The following DIS3L2 variants were observed in gnomAD, a reference collection of about 807,000 sequenced individuals.
The protein encoded by DIS3L2 is DIS3-like exonuclease 2.
A neutral mutation model predicts 97.5 loss-of-function variants in DIS3L2; 34 were observed. That is an observed-to-expected ratio of 0.35 (90% confidence interval 0.27 to 0.46). The LOEUF is 0.46. Among genes scored for constraint, DIS3L2 ranks in the 20% least tolerant of loss-of-function variants. The pLI, the probability that DIS3L2 is intolerant of heterozygous loss-of-function variation, is 1.00. For synonymous variants in DIS3L2, 435 were observed against 445.2 expected, an observed-to-expected ratio of 0.98 and a Z score of 0.29; for missense variants, 1,038 against 1,146.0, an observed-to-expected ratio of 0.91 and a Z score of 1.36.
At chr2:232,087,801 A>G in intron 6 of DIS3L2, 80 bp downstream of exon 6, 1 of 1,132,350 alleles carries the variant, frequency 8.8e-7, no homozygotes, top group South Asian at 1.5e-5. Flanking sequence ...TGCAGAGTAA[A>G]TAACACAATG....
At chr2:231,978,772 T>G (rs992268254) in intron 1 of DIS3L2, 5 of 152,234 alleles carry the variant, frequency 3.3e-5, no homozygotes, top group African/African-American at 4.8e-5. Flanking sequence ...GCCCAGTGCT[T>G]CTTTACCTTG....
rs1696245064 is a variant in DIS3L2, at chr2:232,077,941, CTTTTT to C, written c.367-9545_367-9541del. ...TATAGAGTATTTTCTTTCTTTCTTT[CTTTTT>C]CTTTCTTTCTCTTTCTTTCTTTCTT... is the stretch of plus-strand genomic sequence containing the variant. On this transcript the variant is annotated intron_variant, in intron 5 of 20. Coordinates refer to ENST00000325385, the MANE Select transcript of DIS3L2 (RefSeq NM_152383.5). Among the ~76,000 whole-genome samples, 3 of 148,578 alleles carry C rather than the reference CTTTTT, an allele frequency of 2.0e-5. No individual in the cohort carries two copies. In the South Asian group the frequency reaches 6.6e-4, roughly 33 times the overall value.
At chr2:232,070,205 G>T (rs1695973163) in intron 5 of DIS3L2, among the ~76,000 whole-genome samples, 1 of 152,214 alleles carries the variant, frequency 6.6e-6, no homozygotes, top group South Asian at 2.1e-4. Flanking sequence ...GGCGGAGGTT[G>T]CAGTGAGCCA....
chr2:232,065,455 T>C (rs1042428665), intron 5 of DIS3L2, among the ~76,000 whole-genome samples: 4 of 152,200 alleles, frequency 2.6e-5, no homozygotes, highest in African/African-American at 9.6e-5. Context: ...TTTTAGCACA[T>C]TTGTTTAAAA....
chr2:231,963,710 T>G (rs1692630261), intron 1 of DIS3L2, among the ~76,000 whole-genome samples: 1 of 152,112 alleles, frequency 6.6e-6, no homozygotes, highest in Non-Finnish European at 1.5e-5. Flanking sequence ...TCTAGGATTT[T>G]TATAGCTTGA....
At chr2:232,135,306 ACATG>A (rs2106354153) in intron 7 of DIS3L2, among the ~76,000 whole-genome samples, 1 of 152,260 alleles carries the variant, frequency 6.6e-6, no homozygotes, top group South Asian at 2.1e-4. Flanking sequence ...GGGTGCACAT[ACATG>A]CATGAGGCTG....
At chr2:232,277,753 A>C (rs150566442) in intron 13 of DIS3L2, among the ~76,000 whole-genome samples, 5 of 152,314 alleles carry the variant, frequency 3.3e-5, no homozygotes, top group African/African-American at 1.2e-4. Flanking sequence ...GTCAGTGTGC[A>C]ACATCATAGG....
chr2:231,991,892 A>G (rs1438516876), intron 1 of DIS3L2, among the ~76,000 whole-genome samples: 3 of 152,200 alleles, frequency 2.0e-5, no homozygotes, highest in Non-Finnish European at 1.5e-5. Flanking sequence ...TAGCCCTTCC[A>G]GGAACTGGGG....
chr2:232,078,902 A>G (rs779333038), intron 5 of DIS3L2, among the ~76,000 whole-genome samples: 1 of 152,222 alleles, frequency 6.6e-6, no homozygotes, highest in Admixed American at 6.5e-5. Flanking sequence ...TGGGAAGATT[A>G]TGTGGTGGAT....
At chr2:232,277,458 C>G (rs1244853526) in intron 13 of DIS3L2, among the ~76,000 whole-genome samples, 1 of 152,074 alleles carries the variant, frequency 6.6e-6, no homozygotes, top group African/African-American at 2.4e-5. Flanking sequence ...GGAGTACATT[C>G]TTAAAATTAC....
rs546450638 is a variant in DIS3L2, at chr2:232,278,878, T to A, written c.1659+15438T>A. ...GTGTATATTTAACTTCATAAAGAAC[T>A]TCCAGTTTTCCAAAGTGACTATACC... On this transcript the variant is annotated intron_variant, in intron 13 of 20. Coordinates refer to ENST00000325385, the MANE Select transcript of DIS3L2 (RefSeq NM_152383.5). Among the ~76,000 whole-genome samples the A allele has an allele frequency of 6.6e-5, 10 of 152,318 alleles. No individual in the cohort carries two copies. In the East Asian group the frequency reaches 1.7e-3, roughly 26 times the overall value.
intron 4 of DIS3L2, among the ~76,000 whole-genome samples, chr2:232,026,597 G>T (rs1409642753): frequency 1.3e-5 from 2 of 151,998 alleles, no homozygotes; most frequent in Admixed American, 1.3e-4. Flanking sequence ...GGTAGGCTTT[G>T]GGCTGCTTAT....
In DIS3L2 at chr2:232,024,329, C is replaced by T. The variant is rs202059499; in HGVS notation, c.263C>T (p.Pro88Leu). 1,266 of 1,597,398 alleles carry T rather than the reference C, an allele frequency of 7.9e-4. 2 individuals are homozygous for T. The highest frequency in any genetic ancestry group is 3.1e-3 in the South Asian group (266 of 87,142). ...KKFHEAFIPS[P>L]DGDRDIFIDG... ...TTTCATGAAGCCTTCATTCCTTCCC[C>T]GGTAAGTTCAATAAATTTATAATAA... Residue 88 changes from proline (P) to leucine (L), a missense_variant and splice_region_variant, in exon 4 of 21, where the codon CCG becomes CTG. By Grantham distance (98) the Pro-to-Leu change is moderately conservative. This residue lies in a region of DIS3L2 where 813 missense variants were observed against 880.1 expected (regional missense o/e 0.92). Coordinates refer to ENST00000325385, the MANE Select transcript of DIS3L2 (RefSeq NM_152383.5).
chr2:232,072,733 G>T lies in DIS3L2; in HGVS notation c.367-14754G>T, dbSNP rs530875946. On this transcript the variant is annotated intron_variant, in intron 5 of 20. Coordinates refer to ENST00000325385, the MANE Select transcript of DIS3L2 (RefSeq NM_152383.5). ...GAGATGATGGAGACTAAACCAGGATGGTGGCAATGAAGGTAGAGCTGACAA... is the reference window on the plus strand; with the variant it reads ...GAGATGATGGAGACTAAACCAGGATTGTGGCAATGAAGGTAGAGCTGACAA... Among the ~76,000 whole-genome samples, 425 of 151,748 alleles carry T rather than the reference G, an allele frequency of 2.8e-3. 1 individual carries two copies. Among genetic ancestry groups the T allele is most frequent in the Non-Finnish European group, 4.7e-3 (317 of 67,936 alleles).
At chr2:232,234,392 C>T (rs1692878582) in intron 10 of DIS3L2, among the ~76,000 whole-genome samples, 2 of 152,224 alleles carry the variant, frequency 1.3e-5, no homozygotes, top group African/African-American at 2.4e-5. Flanking sequence ...CACTCTTGCT[C>T]AGGGTGGAGT....
At chr2:232,199,226 T>A (rs764961600) in intron 9 of DIS3L2, among the ~76,000 whole-genome samples, 1 of 152,216 alleles carries the variant, frequency 6.6e-6, no homozygotes, top group Non-Finnish European at 1.5e-5. Context: ...TATTCACAGT[T>A]ATAAACAGTT....
At chr2:232,137,238 C>T (rs1455832933) in intron 8 of DIS3L2, among the ~76,000 whole-genome samples, 1 of 152,194 alleles carries the variant, frequency 6.6e-6, no homozygotes, top group Middle Eastern at 3.2e-3. Flanking sequence ...TTTGTGGATG[C>T]TGTCAGAGAT....
rs538188509 is a variant in DIS3L2, at chr2:232,263,324, C to T, written c.1543C>T (p.Pro515Ser). 2 of 1,614,216 alleles carry T rather than the reference C, an allele frequency of 1.2e-6. No homozygotes were observed. The highest frequency in any genetic ancestry group is 2.2e-5 in the East Asian group (1 of 44,878). The change falls in exon 13 of 21, where the codon CCC becomes TCC. Residue 515 changes from proline to serine, a missense_variant. This residue lies in a region of DIS3L2 where 813 missense variants were observed against 880.1 expected (regional missense o/e 0.92). Coordinates refer to ENST00000325385, the MANE Select transcript of DIS3L2 (RefSeq NM_152383.5). ...GAAAATCCCTGCGAAAGAGCTGCCCCCCATTTCCCCAGAGCATAGCAGCGA... is the reference window on the plus strand; with the variant it reads ...GAAAATCCCTGCGAAAGAGCTGCCCTCCATTTCCCCAGAGCATAGCAGCGA... ...TEKIPAKELP[P>S]ISPEHSSEEV...
intron 1 of DIS3L2, among the ~76,000 whole-genome samples, chr2:231,966,870 G>C (rs1349483976): frequency 2.0e-5 from 3 of 151,938 alleles, no homozygotes; most frequent in Non-Finnish European, 2.9e-5. Flanking sequence ...CATGTAACAT[G>C]AAGTAGAAGG....
Sources: allele counts gnomAD v4.1 joint callset (sites outside exome capture counted in the v4.1 genomes callset), GRCh38; gene constraint gnomAD v4.1.1; regional missense constraint gnomAD v4.1.1; transcripts MANE v1.5; gene names NCBI Gene and HGNC (gene_info 2026-07-23, HGNC 2026-07-21).